MCTP1: variants seen among roughly 807,000 people sequenced by gnomAD.
MCTP1 encodes multiple C2 and transmembrane domain containing 1, also known as multiple C2 and transmembrane domain-containing protein 1.
Under a neutral mutation model 120.6 loss-of-function variants are expected in MCTP1, and 69 were observed. The ratio of observed to expected loss-of-function variants is 0.57; its 90% confidence interval spans 0.47 to 0.70. The LOEUF is 0.70. Among genes scored for constraint, MCTP1 ranks in the 30% least tolerant of loss-of-function variants. The pLI is 0.00. For missense variants in MCTP1, 1,203 were observed against 1,248.8 expected (o/e 0.96, Z 0.55); for synonymous variants, 529 against 493.1 (o/e 1.07, Z -0.96).
intron 18 of MCTP1, among the ~76,000 whole-genome samples, chr5:94,787,077 A>G (rs1018421166): frequency 2.0e-5 from 3 of 152,134 alleles, no homozygotes; most frequent in Admixed American, 1.3e-4. Context: ...GAGATGTTAG[A>G]AAGAAGAATT....
At chr5:95,217,823 T>C (rs1753210623) in intron 1 of MCTP1, among the ~76,000 whole-genome samples, 1 of 152,212 alleles carries the variant, frequency 6.6e-6, no homozygotes. Context: ...GGCAGCCTGA[T>C]TTTGTACTTG....
In MCTP1 at chr5:94,825,963, ATTC is replaced by A. The variant is rs1379990637; in HGVS notation, c.2437-26834_2437-26832del. 3 of 237,462 alleles carry A rather than the reference ATTC, an allele frequency of 1.3e-5. No homozygotes were observed. The East Asian group carries it at 2.9e-4, about 23-fold the overall frequency. 14.7% of individuals were successfully genotyped at this position (237,462 alleles called of 1,614,324 possible). ...ATAATCATGGTAGGCAACTTAGATCATTCTTCTAATAAGCCTGTTGATCTGGTC... is the reference window on the plus strand; with the variant it reads ...ATAATCATGGTAGGCAACTTAGATCATTCTAATAAGCCTGTTGATCTGGTC... On this transcript the variant is annotated intron_variant, in intron 17 of 22. Coordinates refer to ENST00000515393, the MANE Select transcript of MCTP1 (RefSeq NM_024717.7).
intron 19 of MCTP1, among the ~76,000 whole-genome samples, chr5:94,767,228 T>C (rs1014272368): frequency 2.0e-5 from 3 of 152,164 alleles, no homozygotes; most frequent in African/African-American, 7.2e-5. Flanking sequence ...CTCTTTATTA[T>C]ACAAACTCTC....
rs1754281847 is a variant in MCTP1, at chr5:94,705,252, T to A, written c.*2244A>T. On this transcript the variant is annotated 3_prime_UTR_variant, in exon 23 of 23. Transcript: ENST00000515393. The stretch of plus-strand genomic sequence containing the variant: ...AAATAGTTAAAATTTTAACTATACA[T>A]ATTCTGTTTTCAGCCTGTGAATGTA... 6.6e-6 allele frequency: 1 copy of A among 151,530 alleles called. No individual in the cohort carries two copies. The highest frequency in any genetic ancestry group is 1.5e-5 in the Non-Finnish European group (1 of 67,628). The allele number at this position is 151,530 out of a possible 1,614,324, so 9.4% of individuals were successfully genotyped here. A position where few individuals can be genotyped will look rare whatever the true frequency, so the allele number is the denominator to read the frequency against.
At chr5:94,874,317 TTTAATGGGAAGGAATTCATTAGC>T (rs1424515293) in intron 12 of MCTP1, among the ~76,000 whole-genome samples, 2 of 152,110 alleles carry the variant, frequency 1.3e-5, no homozygotes, top group Admixed American at 1.3e-4. Context: ...TCTATTAAAT[TTTAATGGGAAGGAATTCATTAGC>T]TATCAGTGAC....
intron 1 of MCTP1, among the ~76,000 whole-genome samples, chr5:95,275,462 G>A (rs983362915): frequency 3.9e-5 from 6 of 152,116 alleles, no homozygotes; most frequent in African/African-American, 1.4e-4. Flanking sequence ...CTTTACTTTG[G>A]TGGCCCCTGT....
At chr5:94,812,678 G>A (rs746135295) in intron 17 of MCTP1, among the ~76,000 whole-genome samples, 4 of 151,664 alleles carry the variant, frequency 2.6e-5, no homozygotes, top group East Asian at 1.9e-4. Context: ...GTAGGTGATC[G>A]CTTAGCCCAG....
chr5:95,203,878 T>C lies in MCTP1; in HGVS notation c.720+79978A>G, dbSNP rs141403379. ...CAGATAACTCACATTCTCTTCCTAATTGCCAGGATATTCAATATTTATCAT... is the reference window on the plus strand; with the variant it reads ...CAGATAACTCACATTCTCTTCCTAACTGCCAGGATATTCAATATTTATCAT... On this transcript the variant is annotated intron_variant, in intron 1 of 22. Coordinates refer to ENST00000515393, the MANE Select transcript of MCTP1 (RefSeq NM_024717.7). Among the ~76,000 whole-genome samples the C allele has an allele frequency of 6.3e-3, 954 of 152,336 alleles. 13 individuals are homozygous for C. The highest frequency in any genetic ancestry group is 0.022 in the African/African-American group (913 of 41,578).
intron 1 of MCTP1, among the ~76,000 whole-genome samples, chr5:95,195,302 T>G (rs1392137234): frequency 6.6e-6 from 1 of 152,166 alleles, no homozygotes; most frequent in Non-Finnish European, 1.5e-5. Flanking sequence ...CCATATCTGC[T>G]TTCTATTTCA....
At position 95,283,847 on chromosome 5, in the gene MCTP1, G is replaced by T. The variant is rs748398111; in HGVS notation, c.720+9C>A. The T allele has an allele frequency of 6.7e-6, 9 of 1,341,670 alleles. No individual in the cohort carries two copies. The highest frequency in any genetic ancestry group is 8.5e-6 in the Non-Finnish European group (9 of 1,053,882). 83.1% of individuals were successfully genotyped at this position (1,341,670 alleles called of 1,614,324 possible). ...GCACCTTGTCTCCGGCCGCGCCACC[G>T]GCACTCACCTGGCTGCTGCCGTGCT... On this transcript the variant is annotated intron_variant, in intron 1 of 22. Coordinates refer to ENST00000515393, the MANE Select transcript of MCTP1 (RefSeq NM_024717.7).
intron 1 of MCTP1, among the ~76,000 whole-genome samples, chr5:95,164,499 A>T (rs1176421841): frequency 6.6e-6 from 1 of 152,158 alleles, no homozygotes; most frequent in African/African-American, 2.4e-5. Context: ...TATGTCACCA[A>T]TTTTTAAATT....
chr5:95,027,492 G>A (rs2153686399), intron 1 of MCTP1, among the ~76,000 whole-genome samples: 1 of 152,308 alleles, frequency 6.6e-6, no homozygotes, highest in South Asian at 2.1e-4. Context: ...AAGCTGGAGA[G>A]GCCAGAAGGC....
At chr5:94,757,761 A>G (rs1279366730) in intron 19 of MCTP1, among the ~76,000 whole-genome samples, 1 of 152,222 alleles carries the variant, frequency 6.6e-6, no homozygotes, top group Non-Finnish European at 1.5e-5. Flanking sequence ...TAAGTGAATA[A>G]AAGTAAAGAT....
chr5:95,171,453 G>T (rs1562204846), intron 1 of MCTP1, among the ~76,000 whole-genome samples: 1 of 152,066 alleles, frequency 6.6e-6, no homozygotes, highest in Non-Finnish European at 1.5e-5. Flanking sequence ...TTTGAATGTT[G>T]GCCTGCCTTG....
At position 95,284,131 on chromosome 5, in the gene MCTP1, CAGG is replaced by C. The variant is rs1323575380; in HGVS notation, c.442_444del (p.Pro148del). The stretch of plus-strand genomic sequence containing the variant: ...GGAGCTGAGTCGGGGGAGCGTCCGC[CAGG>C]AGGCGTCCCTCCCGCTGCTCCCGAG... On this transcript the variant is annotated inframe_deletion, in exon 1 of 23. Coordinates refer to ENST00000515393, the MANE Select transcript of MCTP1 (RefSeq NM_024717.7). This position sits in a 1 kb window ranked among gnomAD's most constrained non-coding sequence, Gnocchi z 5.2. 1 of 1,552,920 alleles carries C rather than the reference CAGG, an allele frequency of 6.4e-7. No homozygotes were observed. The highest frequency in any genetic ancestry group is 1.9e-5 in the Admixed American group (1 of 51,360).
At chr5:95,068,895 T>A in intron 1 of MCTP1, 1 of 856,200 alleles carries the variant, frequency 1.2e-6, no homozygotes. Flanking sequence ...ATATCAATAG[T>A]AGTTTTTTAT....
intron 3 of MCTP1, among the ~76,000 whole-genome samples, chr5:94,951,753 G>A (rs970812241): frequency 1.1e-4 from 16 of 152,118 alleles, no homozygotes; most frequent in African/African-American, 3.9e-4. Flanking sequence ...CTAGAAGTGA[G>A]GAGCAGGGCA....
At chr5:94,732,621 G>A (rs1015649025) in intron 19 of MCTP1, among the ~76,000 whole-genome samples, 1 of 152,146 alleles carries the variant, frequency 6.6e-6, no homozygotes, top group Non-Finnish European at 1.5e-5. Context: ...TATGATATTT[G>A]GAGGTGGGGC....
intron 1 of MCTP1, among the ~76,000 whole-genome samples, chr5:95,035,277 T>A (rs753043557): frequency 1.3e-5 from 2 of 152,014 alleles, no homozygotes. Context: ...TTTATATGTT[T>A]ATCACAGCAC....
Sources: allele counts gnomAD v4.1 joint callset (sites outside exome capture counted in the v4.1 genomes callset), GRCh38; gene constraint gnomAD v4.1.1; non-coding constraint Gnocchi (gnomAD v3.1); transcripts MANE v1.5; gene names NCBI Gene and HGNC (gene_info 2026-07-23, HGNC 2026-07-21).